Variants in FCER2 observed in about 807,000 individuals in gnomAD.
FCER2 encodes the protein Fc epsilon receptor II.
Under a neutral mutation model 49.7 loss-of-function variants are expected in FCER2, and 38 were observed. The observed-to-expected ratio is 0.76, with a 90% CI of 0.59 to 1.00. The LOEUF is 1.00. Among genes scored for constraint, FCER2 ranks in the 50% least tolerant of loss-of-function variants. FCER2 has a pLI of 0.00. For synonymous variants in FCER2, 163 were observed against 164.6 expected (o/e 0.99, Z 0.07); for missense variants, 425 against 419.5 (o/e 1.01, Z -0.11).
chr19:7,696,542 C>G (rs1456566980), intron 8 of FCER2, among the ~76,000 whole-genome samples: 2 of 152,070 alleles, frequency 1.3e-5, no homozygotes, highest in Non-Finnish European at 2.9e-5. Flanking sequence ...GGCCAAGACC[C>G]CTTCTCTTAA....
At chr19:7,689,705 C>T (rs62110714) in intron 10 of FCER2, among the ~76,000 whole-genome samples, 59,800 of 151,976 alleles carry the variant, frequency 0.39, 14,338 homozygotes, top group African/African-American at 0.68. Flanking sequence ...CTGCAACCTC[C>T]GCCTCCTGGG....
At position 7,690,418 on chromosome 19, in the gene FCER2, G is replaced by A. The variant is rs765369748; in HGVS notation, c.609C>T (p.Ser203=). 2 of 1,613,980 alleles carry A rather than the reference G, an allele frequency of 1.2e-6. No homozygotes were observed. The highest frequency in any genetic ancestry group is 1.7e-5 in the Admixed American group (1 of 60,014). The part of the protein sequence containing the change: ...DMEGQLVSIH[S]PEEQDFLTKH... The stretch of plus-strand genomic sequence containing the variant: ...AGCCCCAGCCCACCTGCTCCTCCGG[G>A]CTGTGGATGCTGACCAGCTGCCCTT... Residue 203 remains serine (S), a synonymous_variant, in exon 9 of 11, where the codon AGC becomes AGT. Coordinates refer to ENST00000597921, the MANE Select transcript of FCER2 (RefSeq NM_001220500.2).
chr19:7,699,429 C>T, intron 2 of FCER2: 2 of 1,445,904 alleles, frequency 1.4e-6, no homozygotes, highest in East Asian at 3.1e-5. Flanking sequence ...AGTTCCTGTT[C>T]TATTTGGCCT....
chr19:7,693,657 G>GTTTTA (rs1214478276), intron 8 of FCER2, among the ~76,000 whole-genome samples: 28 of 152,018 alleles, frequency 1.8e-4, no homozygotes, highest in African/African-American at 6.8e-4. Context: ...GTTTTGTTTT[G>GTTTTA]TTTTGTTTTG....
intron 2 of FCER2, chr19:7,699,268 G>T: frequency 1.6e-6 from 1 of 610,202 alleles, no homozygotes; most frequent in Non-Finnish European, 2.7e-6. Flanking sequence ...CCACTCCCCA[G>T]CCACTTTCCC....
chr19:7,689,855 A>G (rs536913452), intron 10 of FCER2, among the ~76,000 whole-genome samples: 5 of 151,932 alleles, frequency 3.3e-5, no homozygotes, highest in East Asian at 3.9e-4. Context: ...CTGGCAGGTG[A>G]TCCACCCACC....
chr19:7,699,333 C>T (rs2033101022), intron 2 of FCER2: 5 of 1,181,676 alleles, frequency 4.2e-6, no homozygotes, highest in Non-Finnish European at 2.3e-6. Flanking sequence ...ACCCAAAGGT[C>T]TATCTGGATG....
At chr19:7,690,753 A>G (rs1300049770) in intron 8 of FCER2, among the ~76,000 whole-genome samples, 196 bp from the exon 9 acceptor site, 1 of 152,160 alleles carries the variant, frequency 6.6e-6, no homozygotes, top group Non-Finnish European at 1.5e-5. Context: ...CCATAGTAGA[A>G]GCACCTCAGC....
At position 7,688,945 on chromosome 19, in the gene FCER2, A is replaced by G. The variant is rs2032776629; in HGVS notation, c.*248T>C. 1.9e-6 allele frequency: 1 copy of G among 538,878 alleles called. No individual in the cohort carries two copies. The highest frequency in any genetic ancestry group is 3.0e-5 in the East Asian group (1 of 32,860). 33.4% of individuals were successfully genotyped at this position (538,878 alleles called of 1,614,324 possible). On this transcript the variant is annotated 3_prime_UTR_variant, in exon 11 of 11. Coordinates refer to ENST00000597921, the MANE Select transcript of FCER2 (RefSeq NM_001220500.2). ...GAGGGTGCTGTTGGGGTGTACTCTC[A>G]TCTGGAGAGGGTGCTGTTGGGGTGT... is the stretch of plus-strand genomic sequence containing the variant.
intron 1 of FCER2, among the ~76,000 whole-genome samples, chr19:7,700,273 G>A (rs1377444264): frequency 6.6e-6 from 1 of 152,132 alleles, no homozygotes; most frequent in Non-Finnish European, 1.5e-5. Flanking sequence ...TTTCCCCTCT[G>A]TAAAATGGGC....
Position 7,690,548 on chromosome 19 carries a change from C to T in FCER2, c.479G>A (p.Cys160Tyr), listed in dbSNP as rs749935211. 9.9e-6 allele frequency: 16 copies of T among 1,613,874 alleles called. No homozygotes were observed. The highest frequency in any genetic ancestry group is 1.4e-5 in the Non-Finnish European group (16 of 1,179,896). Residue 160 changes from cysteine (C) to tyrosine (Y), a missense_variant, in exon 9 of 11, where the codon TGC becomes TAC. Coordinates refer to ENST00000597921, the MANE Select transcript of FCER2 (RefSeq NM_001220500.2). Reference protein sequence around the residue: ...MELQVSSGFVCNTCPEKWINF... With the variant: ...MELQVSSGFVYNTCPEKWINF... ...GATCCACTTTTCAGGGCACGTGTTG[C>T]ACACAAAGCCTGGGGTGGAGGAGAG...
intron 4 of FCER2, 127 bp downstream of exon 4, chr19:7,698,229 G>A: frequency 1.5e-6 from 1 of 662,904 alleles, no homozygotes; most frequent in Non-Finnish European, 2.6e-6. Flanking sequence ...CCTTCCCTAG[G>A]ACAGGGAGCA....
intron 1 of FCER2, among the ~76,000 whole-genome samples, chr19:7,700,429 A>G (rs1309714685): frequency 1.3e-5 from 2 of 152,188 alleles, no homozygotes; most frequent in Non-Finnish European, 2.9e-5. Context: ...TCCCACTGAG[A>G]AATGCTAAGA....
intron 8 of FCER2, among the ~76,000 whole-genome samples, chr19:7,691,366 C>A (rs924930900): frequency 6.6e-6 from 1 of 152,182 alleles, no homozygotes; most frequent in Non-Finnish European, 1.5e-5. Context: ...CAGCCAGCAG[C>A]ACCTCAGCCA....
At chr19:7,699,867 GT>G in intron 1 of FCER2, 22 bp from the exon 2 acceptor site, 1 of 1,078,478 alleles carries the variant, frequency 9.3e-7, no homozygotes, top group Non-Finnish European at 1.4e-6. Flanking sequence ...TTTAATGATG[GT>G]TAGGGTGAGC....
chr19:7,699,416 C>A, intron 2 of FCER2: 3 of 1,419,330 alleles, frequency 2.1e-6, no homozygotes, highest in Non-Finnish European at 2.8e-6. Context: ...TCTGCTTGTT[C>A]CAAGTTCCTG....
At chr19:7,695,612 C>CA (rs1757565274) in intron 8 of FCER2, among the ~76,000 whole-genome samples, 1 of 144,512 alleles carries the variant, frequency 6.9e-6, no homozygotes, top group Admixed American at 6.8e-5. Flanking sequence ...CCTGTCGCTA[C>CA]AAAAAATAAA....
rs201038165 is a variant in FCER2 at position 7,697,540 on chromosome 19, C to T, written c.240G>A (p.Ala80=). 70 of 1,613,866 alleles carry T rather than the reference C, an allele frequency of 4.3e-5. No individual in the cohort carries two copies. The East Asian group carries it at 8.7e-4, about 20-fold the overall frequency. The change falls in exon 5 of 11, where the codon GCG becomes GCA. Residue 80 remains alanine, a synonymous_variant. Coordinates refer to ENST00000597921, the MANE Select transcript of FCER2 (RefSeq NM_001220500.2). ...NLESHHGDQM[A]QKSQSTQISQ... is the part of the protein sequence containing the mutation. ...GGAGTCACTCACACTGGGATTTCTGCGCCATCTGGTCACCGTGGTGGCTTT... is the reference window on the plus strand; with the variant it reads ...GGAGTCACTCACACTGGGATTTCTGTGCCATCTGGTCACCGTGGTGGCTTT...
In FCER2 at chr19:7,690,525, T is replaced by A. The variant is rs1339628706; in HGVS notation, c.502A>T (p.Ile168Phe). The change falls in exon 9 of 11, where the codon ATC becomes TTC. Residue 168 changes from isoleucine (I) to phenylalanine (F), a missense_variant. Physicochemically the swap from Ile to Phe is conservative, Grantham distance 21. Coordinates refer to ENST00000597921, the MANE Select transcript of FCER2 (RefSeq NM_001220500.2). The part of the protein sequence containing the change: ...FVCNTCPEKW[I>F]NFQRKCYYFG... The stretch of plus-strand genomic sequence containing the variant: ...TAGTAGCACTTCCGTTGGAAATTGA[T>A]CCACTTTTCAGGGCACGTGTTGCAC... The A allele has an allele frequency of 6.2e-7, 1 of 1,614,046 alleles. No homozygotes were observed. Among genetic ancestry groups the A allele is most frequent in the South Asian group, 1.1e-5 (1 of 91,074 alleles).
Sources: allele counts gnomAD v4.1 joint callset (sites outside exome capture counted in the v4.1 genomes callset), GRCh38; gene constraint gnomAD v4.1.1; transcripts MANE v1.5; gene names NCBI Gene and HGNC (gene_info 2026-07-23, HGNC 2026-07-21).